The following PLXNA4 variants were observed in gnomAD, a reference collection of about 807,000 sequenced individuals.
PLXNA4 encodes the protein plexin A4, also known as plexin-A4.
A neutral mutation model predicts 191.8 loss-of-function variants in PLXNA4; 44 were observed. The observed-to-expected ratio is 0.23, with a 90% CI of 0.18 to 0.29. The LOEUF is 0.29. PLXNA4 is among the 10% of genes least tolerant of loss of function. PLXNA4 has a pLI of 1.00. For synonymous variants in PLXNA4, 1,082 were observed against 1,009.5 expected (o/e 1.07, Z -1.36); for missense variants, 1,800 against 2,488.8 (o/e 0.72, Z 5.89).
chr7:132,271,430 G>GCA (rs1800066254), intron 4 of PLXNA4, among the ~76,000 whole-genome samples: 4 of 71,118 alleles, frequency 5.6e-5, no homozygotes, highest in African/African-American at 2.9e-4. Flanking sequence ...TAGTCACTTA[G>GCA]GAAAAAAAAA....
chr7:132,154,805 C>A (rs1462146332), intron 25 of PLXNA4, among the ~76,000 whole-genome samples: 1 of 152,176 alleles, frequency 6.6e-6, no homozygotes, highest in African/African-American at 2.4e-5. Flanking sequence ...TGACCTCTCT[C>A]GCAGCAGCTC....
chr7:132,400,765 G>A (rs951809072), intron 3 of PLXNA4, among the ~76,000 whole-genome samples: 6 of 152,118 alleles, frequency 3.9e-5, no homozygotes, highest in Admixed American at 6.6e-5. Flanking sequence ...TGTCCTCCTC[G>A]GGAAAGCTCC....
intron 25 of PLXNA4, among the ~76,000 whole-genome samples, chr7:132,151,320 G>A (rs1319156654): frequency 1.2e-5 from 1 of 82,686 alleles, no homozygotes; most frequent in African/African-American, 3.3e-5. Flanking sequence ...GAAGGAGGAG[G>A]AGGAGGAAGA....
chr7:132,150,893 T>C (rs1795576678), intron 25 of PLXNA4, among the ~76,000 whole-genome samples: 1 of 152,178 alleles, frequency 6.6e-6, no homozygotes, highest in African/African-American at 2.4e-5. Flanking sequence ...TGGGCGGCCA[T>C]ACTCAACAAC....
intron 5 of PLXNA4, 47 bp from the exon 6 acceptor site, chr7:132,228,516 C>T: frequency 1.9e-6 from 3 of 1,608,050 alleles, no homozygotes; most frequent in East Asian, 2.2e-5. Context: ...GCCGCTTGGT[C>T]CAGGGAGGGG....
intron 4 of PLXNA4, among the ~76,000 whole-genome samples, chr7:132,293,712 A>G (rs1265753989): frequency 6.6e-6 from 1 of 152,224 alleles, no homozygotes; most frequent in Non-Finnish European, 1.5e-5. Flanking sequence ...TTTTTTACAC[A>G]GTGATCCCTG....
At chr7:132,255,442 G>A (rs1044274285) in intron 4 of PLXNA4, among the ~76,000 whole-genome samples, 6 of 152,150 alleles carry the variant, frequency 3.9e-5, no homozygotes, top group Admixed American at 6.5e-5. Context: ...TTATAGGCAC[G>A]ACCACCATGG....
At chr7:132,179,641 C>T (rs553404754) in intron 20 of PLXNA4, 46 bp downstream of exon 20, 17 of 1,593,230 alleles carry the variant, frequency 1.1e-5, no homozygotes, top group African/African-American at 2.7e-5. Context: ...CACACATATG[C>T]ACACACGCAC....
intron 3 of PLXNA4, among the ~76,000 whole-genome samples, chr7:132,406,697 G>T (rs1341512120): frequency 6.6e-6 from 1 of 152,126 alleles, no homozygotes; most frequent in Non-Finnish European, 1.5e-5. Flanking sequence ...AAAAGAGCAT[G>T]ACCCAGGGGC....
intron 3 of PLXNA4, among the ~76,000 whole-genome samples, chr7:132,465,538 T>G (rs1351577289): frequency 6.6e-6 from 1 of 152,212 alleles, no homozygotes; most frequent in East Asian, 1.9e-4. Context: ...ACGACCATGT[T>G]TTATTCCTAG....
chr7:132,635,141 G>A (rs1340876217), intron 2 of PLXNA4, among the ~76,000 whole-genome samples: 1 of 147,708 alleles, frequency 6.8e-6, no homozygotes, highest in Non-Finnish European at 1.5e-5. Flanking sequence ...CCTTGTGATG[G>A]TGTGAGTTAA....
chr7:132,556,757 G>A lies in PLXNA4; in HGVS notation c.-87+19665C>T, dbSNP rs533474526. On this transcript the variant is annotated intron_variant, in intron 1 of 31. Transcript: ENST00000321063. ...GCTGTGCTGTTTCATACTTTTATCC[G>A]TAAGTTGAATGAAGACTGAGAGTCA... Among the ~76,000 whole-genome samples the A allele has an allele frequency of 2.6e-5, 4 of 152,302 alleles. No individual in the cohort carries two copies. The South Asian group carries it at 6.2e-4, about 24-fold the overall frequency.
chr7:132,508,835 C>G lies in PLXNA4; in HGVS notation c.-86-56G>C. The G allele has an allele frequency of 5.0e-6, 7 of 1,397,074 alleles. No homozygotes were observed. The highest frequency in any genetic ancestry group is 6.6e-6 in the Non-Finnish European group (7 of 1,066,248). The allele number at this position is 1,397,074 out of a possible 1,614,324, so 86.5% of individuals were successfully genotyped here. A position where few individuals can be genotyped will look rare whatever the true frequency, so the allele number is the denominator to read the frequency against. On this transcript the variant is annotated intron_variant, in intron 1 of 31. Coordinates refer to ENST00000321063, the MANE Select transcript of PLXNA4 (RefSeq NM_020911.2). This position sits in a 1 kb window ranked among gnomAD's most constrained non-coding sequence, Gnocchi z 4.4. The stretch of plus-strand genomic sequence containing the variant: ...ACAATGCCAGTGGCTTCATTTCACC[C>G]CACAGCTTGTCTGCCTGGACTTTCA...
At chr7:132,352,644 G>A (rs984662743) in intron 3 of PLXNA4, among the ~76,000 whole-genome samples, 2 of 152,140 alleles carry the variant, frequency 1.3e-5, no homozygotes, top group Non-Finnish European at 1.5e-5. Context: ...ATGGGGAAGC[G>A]AACACTCTCC....
intron 2 of PLXNA4, among the ~76,000 whole-genome samples, chr7:132,643,670 G>A (rs1803797187): frequency 6.6e-6 from 1 of 152,156 alleles, no homozygotes; most frequent in South Asian, 2.1e-4. Context: ...AAGAATGAGG[G>A]CCTGGCGAGG....
At chr7:132,157,968 C>T (rs769999560) in intron 25 of PLXNA4, among the ~76,000 whole-genome samples, 2 of 152,190 alleles carry the variant, frequency 1.3e-5, no homozygotes, top group Non-Finnish European at 2.9e-5. Context: ...TCTGGTCTGG[C>T]TCTAAGGGCA....
At chr7:132,370,546 T>C (rs1287384857) in intron 3 of PLXNA4, among the ~76,000 whole-genome samples, 3 of 152,230 alleles carry the variant, frequency 2.0e-5, no homozygotes, top group African/African-American at 7.2e-5. Flanking sequence ...ATATCCTTTA[T>C]CTGTATTTGG....
intron 4 of PLXNA4, among the ~76,000 whole-genome samples, chr7:132,257,060 C>T (rs1359761148): frequency 6.6e-6 from 1 of 152,214 alleles, no homozygotes; most frequent in African/African-American, 2.4e-5. Flanking sequence ...AAGCGACTTG[C>T]TCAAGGTCAC....
chr7:132,582,364 T>C (rs1802418450), intron 2 of PLXNA4, among the ~76,000 whole-genome samples: 1 of 152,172 alleles, frequency 6.6e-6, no homozygotes, highest in Non-Finnish European at 1.5e-5. Flanking sequence ...GAGTGTAAGC[T>C]GTTCTAAGTG....
Sources: allele counts gnomAD v4.1 joint callset (sites outside exome capture counted in the v4.1 genomes callset), GRCh38; gene constraint gnomAD v4.1.1; non-coding constraint Gnocchi (gnomAD v3.1); transcripts MANE v1.5; gene names NCBI Gene and HGNC (gene_info 2026-07-23, HGNC 2026-07-21).